Variants in CTNNA3 observed in about 807,000 individuals in gnomAD.
The protein encoded by CTNNA3 is catenin alpha 3, also known as catenin alpha-3.
A neutral mutation model predicts 95.7 loss-of-function variants in CTNNA3; 76 were observed. That is an observed-to-expected ratio of 0.79 (90% CI 0.66 to 0.96). CTNNA3 has a LOEUF of 0.96. CTNNA3 is among the 40% of genes least tolerant of loss of function. The pLI is 0.00. For synonymous variants in CTNNA3, 431 were observed against 374.4 expected, an observed-to-expected ratio of 1.15 and a Z score of -1.74; for missense variants, 1,191 against 1,089.8, an observed-to-expected ratio of 1.09 and a Z score of -1.31.
At chr10:66,410,509 A>G (rs2093094873) in intron 11 of CTNNA3, among the ~76,000 whole-genome samples, 1 of 152,148 alleles carries the variant, frequency 6.6e-6, no homozygotes, top group African/African-American at 2.4e-5. Flanking sequence ...CCTTGGCCCC[A>G]CGCTTTTATC....
Position 66,222,780 on chromosome 10 carries a change from GAA to G in CTNNA3, c.1884+57688_1884+57689del, listed in dbSNP as rs1321183561. 5.5e-4 allele frequency among the ~76,000 whole-genome samples: 84 copies of G among 151,810 alleles called. 1 individual carries two copies. Among genetic ancestry groups the G allele is most frequent in the Admixed American group, 5.5e-3 (84 of 15,216 alleles). ...AAAGAAAAGAAAAGAGAAAAGGAAA[GAA>G]AAGTAAAGAGAAAGAAAAGAAAGGT... On this transcript the variant is annotated intron_variant, in intron 13 of 17. Coordinates refer to ENST00000433211, the MANE Select transcript of CTNNA3 (RefSeq NM_013266.4).
chr10:67,149,588 A>G (rs1348411738), intron 7 of CTNNA3, among the ~76,000 whole-genome samples: 1 of 152,162 alleles, frequency 6.6e-6, no homozygotes, highest in African/African-American at 2.4e-5. Flanking sequence ...CCGTCTCAAA[A>G]AACAAAAAGA....
chr10:65,964,818 G>GT (rs2077922770), intron 17 of CTNNA3, among the ~76,000 whole-genome samples: 1 of 152,112 alleles, frequency 6.6e-6, no homozygotes, highest in Admixed American at 6.5e-5. Flanking sequence ...AAGACTGGAT[G>GT]TTTAATAAGC....
chr10:66,204,512 T>C (rs532869849), intron 13 of CTNNA3, among the ~76,000 whole-genome samples: 3 of 152,278 alleles, frequency 2.0e-5, no homozygotes, highest in Admixed American at 1.3e-4. Flanking sequence ...TTCTAAAGTT[T>C]TGGCATGCTA....
At chr10:67,519,614 G>A (rs1428990751) in intron 5 of CTNNA3, among the ~76,000 whole-genome samples, 1 of 152,122 alleles carries the variant, frequency 6.6e-6, no homozygotes, top group Non-Finnish European at 1.5e-5. Context: ...TTTGCCATGA[G>A]TCAGATACTG....
intron 9 of CTNNA3, among the ~76,000 whole-genome samples, chr10:66,763,821 G>A (rs923248500): frequency 1.3e-5 from 2 of 152,148 alleles, no homozygotes; most frequent in South Asian, 2.1e-4. Flanking sequence ...GACAACCACA[G>A]CTAAGCCCCC....
chr10:66,766,100 A>G (rs1292534353), intron 9 of CTNNA3, 164 bp downstream of exon 9: 11 of 591,618 alleles, frequency 1.9e-5, no homozygotes, highest in Non-Finnish European at 1.5e-5. Context: ...ATGTGGAGTG[A>G]TCTATACAAT....
intron 7 of CTNNA3, among the ~76,000 whole-genome samples, chr10:66,966,559 C>G (rs1849423827): frequency 6.6e-6 from 1 of 151,568 alleles, no homozygotes; most frequent in Admixed American, 6.6e-5. Context: ...TTCAAAGAAG[C>G]TTTTTAACAT....
intron 1 of CTNNA3, among the ~76,000 whole-genome samples, chr10:67,758,162 C>G (rs970438158): frequency 6.6e-6 from 1 of 152,002 alleles, no homozygotes; most frequent in Admixed American, 6.6e-5. Flanking sequence ...GCTTTCAGAC[C>G]CGAACTGAAC....
chr10:66,770,709 G>T (rs1007733644), intron 8 of CTNNA3, among the ~76,000 whole-genome samples: 7 of 152,006 alleles, frequency 4.6e-5, no homozygotes, highest in Admixed American at 4.6e-4. Flanking sequence ...ACCAAATAAA[G>T]GAACAGAAAG....
chr10:67,130,605 A>C (rs1430390088), intron 7 of CTNNA3, among the ~76,000 whole-genome samples: 1 of 152,146 alleles, frequency 6.6e-6, no homozygotes, highest in Non-Finnish European at 1.5e-5. Context: ...ACAAGGGCCT[A>C]ACGATTTGTT....
intron 3 of CTNNA3, among the ~76,000 whole-genome samples, chr10:67,582,738 G>T (rs1228184253): frequency 6.6e-6 from 1 of 151,856 alleles, no homozygotes; most frequent in East Asian, 1.9e-4. Flanking sequence ...TTAATCTGTG[G>T]CCTCCTGTAT....
intron 15 of CTNNA3, among the ~76,000 whole-genome samples, chr10:66,035,457 T>G (rs3858139): frequency 0.023 from 3,397 of 150,962 alleles, 126 homozygotes; most frequent in African/African-American, 0.079. Context: ...CATATATACC[T>G]ACATAAAAGA....
chr10:67,283,713 T>C (rs1023800947), intron 5 of CTNNA3, among the ~76,000 whole-genome samples: 1 of 152,202 alleles, frequency 6.6e-6, no homozygotes, highest in Non-Finnish European at 1.5e-5. Context: ...GCTCTAAAAC[T>C]TTTTAATAAA....
At chr10:66,628,189 A>G (rs1198055551) in intron 9 of CTNNA3, among the ~76,000 whole-genome samples, 1 of 152,178 alleles carries the variant, frequency 6.6e-6, no homozygotes, top group African/African-American at 2.4e-5. Flanking sequence ...ATAATAATTT[A>G]TCTCTATCTG....
chr10:66,427,781 C>G (rs2093255506), intron 11 of CTNNA3, among the ~76,000 whole-genome samples: 1 of 151,632 alleles, frequency 6.6e-6, no homozygotes, highest in African/African-American at 2.4e-5. Flanking sequence ...ACAACCGGTA[C>G]CAGCCACTGC....
intron 13 of CTNNA3, among the ~76,000 whole-genome samples, chr10:66,265,608 ATAACAAGCAAT>A (rs1013348224): frequency 2.0e-5 from 3 of 152,012 alleles, no homozygotes; most frequent in Non-Finnish European, 4.4e-5. Flanking sequence ...TTCTTTAGGT[ATAACAAGCAAT>A]TCCAAATTTT....
chr10:66,709,681 G>C (rs10509275), intron 9 of CTNNA3, among the ~76,000 whole-genome samples: 4,916 of 152,116 alleles, frequency 0.032, 208 homozygotes, highest in East Asian at 0.22. Context: ...TTACAAACAA[G>C]AATTGAAATG....
At chr10:67,713,549 G>C (rs1841124932) in intron 1 of CTNNA3, among the ~76,000 whole-genome samples, 1 of 152,160 alleles carries the variant, frequency 6.6e-6, no homozygotes, top group South Asian at 2.1e-4. Context: ...GCCCATCAAT[G>C]ATAGACTGGA....
Sources: allele counts gnomAD v4.1 joint callset (sites outside exome capture counted in the v4.1 genomes callset), GRCh38; gene constraint gnomAD v4.1.1; transcripts MANE v1.5; gene names NCBI Gene and HGNC (gene_info 2026-07-23, HGNC 2026-07-21).